Variants in PPFIA2 observed in about 807,000 individuals in gnomAD.
PPFIA2 encodes the protein liprin-alpha-2.
In PPFIA2, 46 loss-of-function variants were observed where a neutral mutation model predicts 175.5. That is an observed-to-expected ratio of 0.26 (90% confidence interval 0.21 to 0.34). The LOEUF (loss-of-function observed/expected upper bound fraction) is 0.34, where lower values mean the gene tolerates loss of function less well. Ranked by LOEUF, PPFIA2 falls within the 10% of genes least tolerant of loss-of-function variation. PPFIA2 has a pLI of 1.00. For synonymous variants in PPFIA2, 568 were observed against 511.4 expected (o/e 1.11, Z -1.49); for missense variants, 1,179 against 1,506.1 (o/e 0.78, Z 3.60).
intron 4 of PPFIA2, among the ~76,000 whole-genome samples, chr12:81,540,546 A>G (rs2066049495): frequency 6.6e-6 from 1 of 152,048 alleles, no homozygotes; most frequent in Non-Finnish European, 1.5e-5. Flanking sequence ...TCATTAAGGG[A>G]AGAAACTTTA....
intron 4 of PPFIA2, among the ~76,000 whole-genome samples, chr12:81,663,026 T>A (rs1298997333): frequency 6.6e-6 from 1 of 152,150 alleles, no homozygotes; most frequent in East Asian, 1.9e-4. Flanking sequence ...AAACTCTCAA[T>A]AAATTAGGTA....
Position 81,638,682 on chromosome 12 carries a change from C to CTTTTTTTT in PPFIA2, c.303+38101_303+38108dup, listed in dbSNP as rs869311003. Among the ~76,000 whole-genome samples, 72 of 72,686 alleles carry CTTTTTTTT rather than the reference C, an allele frequency of 9.9e-4. 1 individual carries two copies. Among genetic ancestry groups the CTTTTTTTT allele is most frequent in the African/African-American group, 1.6e-3 (29 of 18,440 alleles). 47.7% of individuals were successfully genotyped at this position (72,686 alleles called of 152,430 possible). A position where few individuals can be genotyped will look rare whatever the true frequency, so the allele number is the denominator to read the frequency against. ...ATTTTCTTGTTTTGTCATAAATTTT[C>CTTTTTTTT]TTTTTTTTTTTTTTTTTTTTTTTGA... On this transcript the variant is annotated intron_variant, in intron 4 of 32. Transcript: ENST00000549396.
intron 4 of PPFIA2, among the ~76,000 whole-genome samples, chr12:81,536,119 A>T (rs2153315705): frequency 6.6e-6 from 1 of 151,870 alleles, no homozygotes; most frequent in South Asian, 2.1e-4. Context: ...CCTGCAAAGA[A>T]TACACTATGA....
intron 5 of PPFIA2, among the ~76,000 whole-genome samples, chr12:81,448,852 T>G (rs1221551376): frequency 6.6e-5 from 10 of 152,206 alleles, no homozygotes; most frequent in Non-Finnish European, 1.2e-4. Flanking sequence ...ACATTGGATA[T>G]CTCCTTCCTA....
intron 6 of PPFIA2, among the ~76,000 whole-genome samples, chr12:81,441,156 A>G (rs1195168860): frequency 6.6e-6 from 1 of 151,786 alleles, no homozygotes; most frequent in African/African-American, 2.4e-5. Flanking sequence ...AAAAACCCAG[A>G]TACATAAAAA....
At chr12:81,391,457 C>T (rs889083444) in intron 8 of PPFIA2, among the ~76,000 whole-genome samples, 2 of 151,784 alleles carry the variant, frequency 1.3e-5, no homozygotes, top group African/African-American at 4.8e-5. Flanking sequence ...ATAGAATAAA[C>T]TTTGGGTACC....
At chr12:81,382,428 G>A (rs1001087756) in intron 9 of PPFIA2, among the ~76,000 whole-genome samples, 8 of 152,158 alleles carry the variant, frequency 5.3e-5, no homozygotes, top group Non-Finnish European at 7.3e-5. Context: ...TCAAGCTGCT[G>A]TGTTGAGCAC....
intron 8 of PPFIA2, among the ~76,000 whole-genome samples, chr12:81,397,713 C>T (rs1406187761): frequency 6.6e-6 from 1 of 152,024 alleles, no homozygotes; most frequent in Non-Finnish European, 1.5e-5. Context: ...AAGCCATGGA[C>T]ATGTACTGGT....
At chr12:81,708,044 G>C (rs1245587365) in intron 3 of PPFIA2, among the ~76,000 whole-genome samples, 1 of 110,702 alleles carries the variant, frequency 9.0e-6, no homozygotes, top group Non-Finnish European at 1.8e-5. Flanking sequence ...AGGGGGGAGG[G>C]ATAGCATTGG....
At chr12:81,522,903 A>T (rs1455160120) in intron 4 of PPFIA2, among the ~76,000 whole-genome samples, 1 of 152,140 alleles carries the variant, frequency 6.6e-6, no homozygotes, top group Non-Finnish European at 1.5e-5. Context: ...ATCTCAATAG[A>T]GGTTTTTCTA....
intron 8 of PPFIA2, among the ~76,000 whole-genome samples, chr12:81,388,992 C>G (rs1353026884): frequency 6.6e-6 from 1 of 151,726 alleles, no homozygotes; most frequent in African/African-American, 2.4e-5. Flanking sequence ...AAGCCCCAGA[C>G]AACCACTAAC....
intron 4 of PPFIA2, among the ~76,000 whole-genome samples, chr12:81,593,086 T>G (rs1180792083): frequency 6.6e-6 from 1 of 152,128 alleles, no homozygotes; most frequent in Non-Finnish European, 1.5e-5. Context: ...AATTTCTTCA[T>G]GCAATTGAGA....
At chr12:81,638,788 C>T (rs1228162480) in intron 4 of PPFIA2, among the ~76,000 whole-genome samples, 2 of 138,566 alleles carry the variant, frequency 1.4e-5, no homozygotes, top group Admixed American at 1.5e-4. Context: ...CCCGGGTTCA[C>T]GCCATTCTCC....
intron 4 of PPFIA2, among the ~76,000 whole-genome samples, chr12:81,623,114 A>G (rs917754927): frequency 6.6e-6 from 1 of 152,152 alleles, no homozygotes; most frequent in East Asian, 1.9e-4. Context: ...TGAAACAAAA[A>G]GCAGGCATAA....
At chr12:81,328,092 C>T (rs1466207883) in intron 21 of PPFIA2, among the ~76,000 whole-genome samples, 1 of 152,092 alleles carries the variant, frequency 6.6e-6, no homozygotes, top group South Asian at 2.1e-4. Context: ...TGAGGGAGGA[C>T]ATTTTTTCAC....
chr12:81,270,328 A>G lies in PPFIA2; in HGVS notation c.3311-2241T>C, dbSNP rs1280876013. Among the ~76,000 whole-genome samples the G allele has an allele frequency of 3.3e-5, 5 of 152,054 alleles. No homozygotes were observed. In the South Asian group the frequency reaches 6.2e-4, roughly 19 times the overall value. On this transcript the variant is annotated intron_variant, in intron 28 of 32. Transcript: ENST00000549396. Reference sequence around the variant, plus strand: ...TCTTGCTTTTTTTAGTCATTATGGTAGGTGTGGTATTATGGGTTGAATTGT... The same window carrying G: ...TCTTGCTTTTTTTAGTCATTATGGTGGGTGTGGTATTATGGGTTGAATTGT...
At chr12:81,451,180 T>TAA (rs1400761106) in intron 5 of PPFIA2, among the ~76,000 whole-genome samples, 6 of 152,088 alleles carry the variant, frequency 3.9e-5, no homozygotes, top group African/African-American at 1.4e-4. Flanking sequence ...TATATATATA[T>TAA]AATGTACATT....
chr12:81,607,830 G>T (rs1319289027), intron 4 of PPFIA2, among the ~76,000 whole-genome samples: 1 of 152,002 alleles, frequency 6.6e-6, no homozygotes, highest in Non-Finnish European at 1.5e-5. Flanking sequence ...CTCGTATTAT[G>T]TCAAATAGGC....
intron 4 of PPFIA2, among the ~76,000 whole-genome samples, chr12:81,462,607 T>TACATATATATATATATATATATATAA (rs1566933960): frequency 8.8e-6 from 1 of 113,224 alleles, no homozygotes. Flanking sequence ...TATATATATA[T>TACATATATATATATATATATATATAA]AATATAGCGA....
Sources: allele counts gnomAD v4.1 joint callset (sites outside exome capture counted in the v4.1 genomes callset), GRCh38; gene constraint gnomAD v4.1.1; transcripts MANE v1.5; gene names NCBI Gene and HGNC (gene_info 2026-07-23, HGNC 2026-07-21).